VPS53: variants seen among roughly 807,000 people sequenced by gnomAD.
The protein encoded by VPS53 is vacuolar protein sorting-associated protein 53 homolog.
A neutral mutation model predicts 107.0 loss-of-function variants in VPS53; 70 were observed. The observed-to-expected ratio is 0.65, with a 90% confidence interval of 0.54 to 0.80. VPS53 has a LOEUF of 0.80. Among genes scored for constraint, VPS53 ranks in the 30% least tolerant of loss-of-function variants. VPS53 has a pLI of 0.00. For missense variants in VPS53, 917 were observed against 1,049.4 expected (o/e 0.87, Z 1.74); for synonymous variants, 409 against 393.3 (o/e 1.04, Z -0.47).
rs539388798 is a variant in VPS53, at chr17:562,528, T to G, written c.1531A>C (p.Lys511Gln). The G allele has an allele frequency of 6.2e-7, 1 of 1,614,088 alleles. No homozygotes were observed. The highest frequency in any genetic ancestry group is 1.7e-5 in the Admixed American group (1 of 60,002). ...TTGGGCAGGTTGCCAGAGAGGATTT[T>G]CCAGGCGTATTCTCGGAGGTACTTC... ...FQKYLREYAW[K>Q]ILSGNLPKTT... Residue 511 changes from lysine (K) to glutamine (Q), a missense_variant, in exon 14 of 22, where the codon AAA (lysine) becomes CAA (glutamine). By Grantham distance (53) the Lys-to-Gln change is moderately conservative (BLOSUM62 1). Coordinates refer to ENST00000437048, the MANE Select transcript of VPS53 (RefSeq NM_001128159.3).
At chr17:522,445 A>G (rs1402166586) in intron 19 of VPS53, among the ~76,000 whole-genome samples, 1 of 152,240 alleles carries the variant, frequency 6.6e-6, no homozygotes, top group Non-Finnish European at 1.5e-5. Context: ...GCGAGACCCC[A>G]TCTCTAAAGA....
intron 4 of VPS53, among the ~76,000 whole-genome samples, chr17:669,341 C>A (rs989870242): frequency 6.6e-6 from 1 of 152,020 alleles, no homozygotes; most frequent in African/African-American, 2.4e-5. Flanking sequence ...ACCTATAATC[C>A]CAGCACGCTG....
chr17:682,121 C>G (rs187313379), intron 4 of VPS53, among the ~76,000 whole-genome samples: 96 of 152,300 alleles, frequency 6.3e-4, no homozygotes, highest in African/African-American at 1.9e-3. Context: ...ATTCATAGAA[C>G]AGAACACTTT....
intron 5 of VPS53, among the ~76,000 whole-genome samples, chr17:659,384 C>A (rs1971353191): frequency 6.6e-6 from 1 of 152,160 alleles, no homozygotes; most frequent in Non-Finnish European, 1.5e-5. Flanking sequence ...CCCAGGCAAG[C>A]GATTCTCTGC....
chr17:641,924 C>G (rs1970437058), intron 7 of VPS53, among the ~76,000 whole-genome samples: 2 of 152,192 alleles, frequency 1.3e-5, no homozygotes, highest in Non-Finnish European at 2.9e-5. Flanking sequence ...GGAAAGTCAA[C>G]CAGGTGGTTT....
At chr17:686,574 T>TG in intron 4 of VPS53, among the ~76,000 whole-genome samples, 1 of 152,184 alleles carries the variant, frequency 6.6e-6, no homozygotes, top group East Asian at 1.9e-4. Context: ...AGGTAAGCTG[T>TG]GCCGCCATTT....
rs758311828 is a variant in VPS53, at chr17:562,612, C to A, written c.1447G>T (p.Val483Leu). ...DLFVYYKKCM[V>L]QCSQLSTGEP... ...CCAGTACTGAGCTGAGAGCATTGCACCATGCACTTCTTGTAGTAGACAAAG... is the reference window on the plus strand; with the variant it reads ...CCAGTACTGAGCTGAGAGCATTGCAACATGCACTTCTTGTAGTAGACAAAG... Residue 483 changes from valine to leucine, a missense_variant, in exon 14 of 22, where the codon GTG becomes TTG. Coordinates refer to ENST00000437048, the MANE Select transcript of VPS53 (RefSeq NM_001128159.3). 22 of 1,613,962 alleles carry A rather than the reference C, an allele frequency of 1.4e-5. No homozygotes were observed. In the South Asian group the frequency reaches 2.3e-4, roughly 17 times the overall value.
chr17:595,143 G>C (rs1967893483), intron 12 of VPS53, among the ~76,000 whole-genome samples: 1 of 106,458 alleles, frequency 9.4e-6, no homozygotes, highest in Non-Finnish European at 2.0e-5. Context: ...AAGGGGTCTG[G>C]ACCAATTTCC....
At chr17:671,095 A>G (rs775216393) in intron 4 of VPS53, among the ~76,000 whole-genome samples, 1 of 151,980 alleles carries the variant, frequency 6.6e-6, no homozygotes, top group Non-Finnish European at 1.5e-5. Context: ...GCCAGCCATC[A>G]TGGTACACAC....
intron 4 of VPS53, among the ~76,000 whole-genome samples, chr17:696,779 A>C (rs550424288): frequency 6.1e-5 from 9 of 146,386 alleles, no homozygotes; most frequent in Admixed American, 5.8e-4. Flanking sequence ...AGATCCAATA[A>C]GACTTATAAA....
intron 13 of VPS53, among the ~76,000 whole-genome samples, chr17:568,382 C>CGTGGG (rs1267299199): frequency 6.6e-6 from 1 of 151,880 alleles, no homozygotes; most frequent in African/African-American, 2.4e-5. Context: ...GCTGGGACTA[C>CGTGGG]AGGTGCACAC....
rs35437010 is a variant in VPS53 at position 553,574 on chromosome 17, CT to C, written c.1705-113del. 212,126 of 548,054 alleles carry C rather than the reference CT, an allele frequency of 0.39. 16,188 individuals are homozygous for C. The highest frequency in any genetic ancestry group is 0.63 in the African/African-American group (24,892 of 39,646). The allele number at this position is 548,054 out of a possible 1,614,324, so 33.9% of individuals were successfully genotyped here. On this transcript the variant is annotated intron_variant, in intron 15 of 21. Coordinates refer to ENST00000437048, the MANE Select transcript of VPS53 (RefSeq NM_001128159.3). The stretch of plus-strand genomic sequence containing the variant: ...GATGATTCAGGCATAATTCCATACA[CT>C]TTTTTTTTTTTTTTTTTTGAGACTC...
intron 12 of VPS53, among the ~76,000 whole-genome samples, chr17:588,380 T>C (rs1011834527): frequency 1.3e-5 from 2 of 152,144 alleles, no homozygotes; most frequent in Middle Eastern, 3.2e-3. Flanking sequence ...CTTGAACTGC[T>C]TATATATTTT....
In VPS53 at chr17:627,285, T is replaced by C. The variant is rs1429469420; in HGVS notation, c.863A>G (p.Tyr288Cys). 4 of 1,613,860 alleles carry C rather than the reference T, an allele frequency of 2.5e-6. No homozygotes were observed. Among genetic ancestry groups the C allele is most frequent in the Admixed American group, 3.3e-5 (2 of 59,976 alleles). The change falls in exon 10 of 22, where the codon TAT (tyrosine) becomes TGT (cysteine). Residue 288 changes from tyrosine (Y) to cysteine (C), a missense_variant. Physicochemically the swap from Tyr to Cys is radical, Grantham distance 194. Transcript: ENST00000437048. ...CACAAGCTGGCGTTTTATCCAGGCA[T>C]AGCGTCTGTCGATTTTGTCCAGCCA... ...VAWLDKIDRR[Y>C]AWIKRQLVDY...
At chr17:644,134 A>G (rs1970585006) in intron 7 of VPS53, among the ~76,000 whole-genome samples, 1 of 152,220 alleles carries the variant, frequency 6.6e-6, no homozygotes, top group Non-Finnish European at 1.5e-5. Context: ...TTTGAAATGT[A>G]AAGATGCTAA....
Position 714,799 on chromosome 17 carries a change from G to A in VPS53, c.-90C>T, listed in dbSNP as rs2474694. 0.38 allele frequency: 557,426 copies of A among 1,456,482 alleles called. 110,914 individuals carry two copies. Among genetic ancestry groups the A allele is most frequent in the African/African-American group, 0.63 (45,610 of 71,904 alleles). 90.2% of individuals were successfully genotyped at this position (1,456,482 alleles called of 1,614,324 possible). Reference sequence around the variant, plus strand: ...GGCCCCAGCACAGCAACTCCCTCGCGGCAGCGACCTGGTGAGCCCGGCTCC... The same window carrying A: ...GGCCCCAGCACAGCAACTCCCTCGCAGCAGCGACCTGGTGAGCCCGGCTCC... On this transcript the variant is annotated 5_prime_UTR_variant, in exon 1 of 22. Transcript: ENST00000437048.
chr17:574,582 T>C (rs760397938), intron 13 of VPS53, among the ~76,000 whole-genome samples: 4 of 152,072 alleles, frequency 2.6e-5, no homozygotes, highest in Non-Finnish European at 4.4e-5. Context: ...CTGGGCAACA[T>C]GGCAAAACTG....
At chr17:563,353 C>T (rs1231046114) in intron 13 of VPS53, among the ~76,000 whole-genome samples, 3 of 140,024 alleles carry the variant, frequency 2.1e-5, no homozygotes, top group African/African-American at 5.4e-5. Flanking sequence ...TGGAGTGCAG[C>T]GGCATGATCT....
At chr17:560,950 GTC>G (rs1378343300) in intron 14 of VPS53, among the ~76,000 whole-genome samples, 45 of 152,336 alleles carry the variant, frequency 3.0e-4, no homozygotes, top group African/African-American at 1.1e-3. Context: ...GTTAAGAAAA[GTC>G]TGCACTGGGA....
Sources: allele counts gnomAD v4.1 joint callset (sites outside exome capture counted in the v4.1 genomes callset), GRCh38; gene constraint gnomAD v4.1.1; transcripts MANE v1.5; gene names NCBI Gene and HGNC (gene_info 2026-07-23, HGNC 2026-07-21).